ELK3: variants seen among roughly 807,000 people sequenced by gnomAD.
ELK3 encodes ETS domain-containing protein Elk-3.
A neutral mutation model predicts 28.9 loss-of-function variants in ELK3; 10 were observed. The observed-to-expected ratio is 0.35, with a 90% CI of 0.21 to 0.59. The LOEUF (loss-of-function observed/expected upper bound fraction) is 0.59. ELK3 is among the 20% of genes least tolerant of loss of function. ELK3 has a pLI of 0.82. For synonymous variants in ELK3, 272 were observed against 243.5 expected (o/e 1.12, Z -1.09); for missense variants, 463 against 517.3 (o/e 0.90, Z 1.02).
At chr12:96,213,380 C>T (rs1206723967) in intron 1 of ELK3, among the ~76,000 whole-genome samples, 3 of 152,146 alleles carry the variant, frequency 2.0e-5, no homozygotes, top group Non-Finnish European at 4.4e-5. Context: ...GGTACCCACA[C>T]GAGGCAGCCT....
At chr12:96,261,781 C>G (rs570561059) in intron 4 of ELK3, among the ~76,000 whole-genome samples, 26 of 152,286 alleles carry the variant, frequency 1.7e-4, no homozygotes, top group Non-Finnish European at 2.9e-4. Flanking sequence ...CAGCCCAACA[C>G]TCCCAACAGG....
chr12:96,213,500 G>T (rs1423225761), intron 1 of ELK3, among the ~76,000 whole-genome samples: 1 of 152,092 alleles, frequency 6.6e-6, no homozygotes, highest in African/African-American at 2.4e-5. Flanking sequence ...GGTGAATTCT[G>T]TGGGAAAAAG....
chr12:96,229,247 C>T (rs768254550), intron 2 of ELK3, among the ~76,000 whole-genome samples: 31 of 152,146 alleles, frequency 2.0e-4, no homozygotes, highest in African/African-American at 7.0e-4. Flanking sequence ...TTTATTGTCC[C>T]GTAGTTTCCT....
At chr12:96,210,057 T>G (rs1951565757) in intron 1 of ELK3, among the ~76,000 whole-genome samples, 1 of 152,082 alleles carries the variant, frequency 6.6e-6, no homozygotes, top group Non-Finnish European at 1.5e-5. Context: ...GTATTGATAT[T>G]AATAGTACAA....
At chr12:96,206,775 C>T (rs1951540908) in intron 1 of ELK3, among the ~76,000 whole-genome samples, 1 of 152,168 alleles carries the variant, frequency 6.6e-6, no homozygotes, top group Non-Finnish European at 1.5e-5. Flanking sequence ...GAATTAAGGG[C>T]AGCGAGGATG....
chr12:96,226,655 C>T (rs1951703766), intron 2 of ELK3, among the ~76,000 whole-genome samples: 3 of 152,282 alleles, frequency 2.0e-5, no homozygotes. Flanking sequence ...TACATATCCA[C>T]ATGCACACGT....
At chr12:96,217,956 A>AAAAAT (rs1250958247) in intron 1 of ELK3, among the ~76,000 whole-genome samples, 3 of 151,554 alleles carry the variant, frequency 2.0e-5, no homozygotes, top group Non-Finnish European at 2.9e-5. Flanking sequence ...AAAAAAAAAA[A>AAAAAT]ATCATTTGTC....
chr12:96,197,739 T>C, intron 1 of ELK3, among the ~76,000 whole-genome samples: 1 of 152,196 alleles, frequency 6.6e-6, no homozygotes, highest in East Asian at 1.9e-4. Context: ...GCCAGCTCCA[T>C]TTGAGTTTTG....
At chr12:96,266,724 TAATATTA>T in intron 4 of ELK3, among the ~76,000 whole-genome samples, 1 of 152,294 alleles carries the variant, frequency 6.6e-6, no homozygotes, top group East Asian at 1.9e-4. Flanking sequence ...TTTTAATATT[TAATATTA>T]AACATTATTT....
At chr12:96,238,009 T>C (rs1951796137) in intron 2 of ELK3, among the ~76,000 whole-genome samples, 1 of 152,160 alleles carries the variant, frequency 6.6e-6, no homozygotes, top group Non-Finnish European at 1.5e-5. Flanking sequence ...CTTGTGGGTG[T>C]TGTGAACTCA....
chr12:96,227,059 C>G (rs943155341), intron 2 of ELK3, among the ~76,000 whole-genome samples: 30 of 152,194 alleles, frequency 2.0e-4, no homozygotes, highest in Admixed American at 2.0e-3. Context: ...ACAGAAATGG[C>G]AGTCTGAAGT....
At chr12:96,235,517 G>T (rs1050676976) in intron 2 of ELK3, among the ~76,000 whole-genome samples, 5 of 152,034 alleles carry the variant, frequency 3.3e-5, no homozygotes, top group Non-Finnish European at 5.9e-5. Context: ...TGGCACAGAA[G>T]GGAGTCTGTC....
chr12:96,197,617 G>A (rs1201047445), intron 1 of ELK3, among the ~76,000 whole-genome samples: 1 of 152,086 alleles, frequency 6.6e-6, no homozygotes, highest in Non-Finnish European at 1.5e-5. Context: ...TTTATGTCCT[G>A]AATTAGGCCA....
At chr12:96,210,558 GGCGCAC>G (rs376644952) in intron 1 of ELK3, among the ~76,000 whole-genome samples, 31 of 62,152 alleles carry the variant, frequency 5.0e-4, no homozygotes, top group Admixed American at 1.6e-3. Context: ...CCTGCGCGCG[GGCGCAC>G]GCACACACAC....
At chr12:96,221,937 G>A (rs1256499863) in intron 1 of ELK3, among the ~76,000 whole-genome samples, 1 of 152,054 alleles carries the variant, frequency 6.6e-6, no homozygotes, top group African/African-American at 2.4e-5. Flanking sequence ...CCTCCCCAAG[G>A]CAATTATTCT....
intron 4 of ELK3, among the ~76,000 whole-genome samples, chr12:96,265,581 G>A (rs1952023395): frequency 6.6e-6 from 1 of 152,142 alleles, no homozygotes; most frequent in Admixed American, 6.5e-5. Context: ...AGCTACTTAG[G>A]AGGCTGAAGT....
chr12:96,219,064 T>G (rs906563016), intron 1 of ELK3, among the ~76,000 whole-genome samples: 2 of 152,204 alleles, frequency 1.3e-5, no homozygotes, highest in Admixed American at 6.5e-5. Flanking sequence ...TAAGTAAAGT[T>G]AGGCAGATGA....
At position 96,196,840 on chromosome 12, in the gene ELK3, G is replaced by A. The variant is rs199802176; in HGVS notation, c.-3+2135G>A. On this transcript the variant is annotated intron_variant, in intron 1 of 4. Coordinates refer to ENST00000228741, the MANE Select transcript of ELK3 (RefSeq NM_005230.4). ...AAAGGAACCTGATTGGAATGATGGG[G>A]CCCCTTTATTGACAAAGACATGTTG... is the stretch of plus-strand genomic sequence containing the variant. Among the ~76,000 whole-genome samples the A allele has an allele frequency of 4.2e-4, 64 of 151,136 alleles. No homozygotes were observed. In the East Asian group the frequency reaches 5.3e-3, roughly 12 times the overall value.
At chr12:96,199,853 A>G (rs1951497641) in intron 1 of ELK3, among the ~76,000 whole-genome samples, 1 of 152,194 alleles carries the variant, frequency 6.6e-6, no homozygotes, top group South Asian at 2.1e-4. Flanking sequence ...ATTTTTAAAG[A>G]AATTTAGACA....
Sources: gnomAD v4.1 joint callset for allele counts (sites outside exome capture counted in the v4.1 genomes callset) on GRCh38, gnomAD v4.1.1 for gene constraint, MANE v1.5 for transcripts, NCBI Gene and HGNC (gene_info 2026-07-23, HGNC 2026-07-21) for gene names.